The following EEF1AKMT2 variants were observed in gnomAD, a reference collection of about 807,000 sequenced individuals.
EEF1AKMT2 encodes eukaryotic translation elongation factor 1 alpha lysine methyltransferase 2.
Under a neutral mutation model 35.8 loss-of-function variants are expected in EEF1AKMT2, and 32 were observed. The observed-to-expected ratio is 0.89, with a 90% CI of 0.67 to 1.20. The LOEUF (loss-of-function observed/expected upper bound fraction) is 1.20. Ranked by LOEUF, EEF1AKMT2 falls within the 50% of genes most tolerant of loss-of-function variation. The probability of loss-of-function intolerance (pLI) is 0.00; values close to 1 mark genes in which losing one functional copy is unlikely to be tolerated. For synonymous variants in EEF1AKMT2, 121 were observed against 133.7 expected, an observed-to-expected ratio of 0.91 and a Z score of 0.65; for missense variants, 330 against 347.5, an observed-to-expected ratio of 0.95 and a Z score of 0.40.
At chr10:124,780,726 CAA>C (rs910831494) in intron 3 of EEF1AKMT2, among the ~76,000 whole-genome samples, 1 of 150,404 alleles carries the variant, frequency 6.6e-6, no homozygotes, top group African/African-American at 2.4e-5. Context: ...GCAAATCTGG[CAA>C]AAGACATAAG....
chr10:124,765,771 T>C, intron 4 of EEF1AKMT2, 163 bp from the exon 5 acceptor site: 1 of 582,532 alleles, frequency 1.7e-6, no homozygotes, highest in East Asian at 2.9e-5. Flanking sequence ...TTTTATGAGC[T>C]TCAGTCCAAG....
intron 4 of EEF1AKMT2, among the ~76,000 whole-genome samples, chr10:124,773,831 T>C (rs536261005): frequency 2.6e-5 from 4 of 152,152 alleles, no homozygotes; most frequent in South Asian, 4.2e-4. Flanking sequence ...AGTGAGAACA[T>C]GCTGTTGAAA....
intron 3 of EEF1AKMT2, among the ~76,000 whole-genome samples, chr10:124,776,521 C>T (rs991329472): frequency 6.6e-6 from 1 of 152,178 alleles, no homozygotes; most frequent in African/African-American, 2.4e-5. Flanking sequence ...GACACGGTGG[C>T]TCACGCCTAT....
chr10:124,791,857 GT>G lies in EEF1AKMT2; in HGVS notation c.-25del. ...ATTTCGCTCCACGTCCTGGACGGCC[GT>G]TGGGGCCGCCATAGAGACGGGGCAC... On this transcript the variant is annotated 5_prime_UTR_variant, in exon 1 of 7. Transcript: ENST00000368836. 3 of 1,544,776 alleles carry G rather than the reference GT, an allele frequency of 1.9e-6. No homozygotes were observed. The highest frequency in any genetic ancestry group is 2.6e-6 in the Non-Finnish European group (3 of 1,151,418).
At chr10:124,770,158 C>T (rs1476902424) in intron 4 of EEF1AKMT2, among the ~76,000 whole-genome samples, 1 of 151,976 alleles carries the variant, frequency 6.6e-6, no homozygotes, top group African/African-American at 2.4e-5. Flanking sequence ...GTAGCTCACA[C>T]CTGTTATCCC....
chr10:124,777,598 C>T (rs1038869620), intron 3 of EEF1AKMT2, among the ~76,000 whole-genome samples: 1 of 151,886 alleles, frequency 6.6e-6, no homozygotes, highest in Admixed American at 6.6e-5. Context: ...TGGCTTACTG[C>T]AGCCTTGCCT....
intron 6 of EEF1AKMT2, 128 bp downstream of exon 6, chr10:124,762,172 C>A (rs1326606973): frequency 1.5e-6 from 1 of 688,538 alleles, no homozygotes; most frequent in East Asian, 9.3e-5. Context: ...TGCGCCACCC[C>A]ACGCCATCAA....
intron 3 of EEF1AKMT2, among the ~76,000 whole-genome samples, chr10:124,777,019 C>T (rs904873053): frequency 6.6e-6 from 1 of 151,876 alleles, no homozygotes; most frequent in African/African-American, 2.4e-5. Context: ...GTGGCTCAAG[C>T]TTGTAATCCT....
At position 124,791,800 on chromosome 10, in the gene EEF1AKMT2, C is replaced by A; in HGVS notation, c.34G>T (p.Ala12Ser). 1.3e-6 allele frequency: 2 copies of A among 1,589,676 alleles called. No individual in the cohort carries two copies. Among genetic ancestry groups the A allele is most frequent in the Non-Finnish European group, 1.7e-6 (2 of 1,173,282 alleles). Reference protein sequence around the residue: ...SSGADGGGGAAVAARSDKGSP... With the variant: ...SSGADGGGGASVAARSDKGSP... ...CCCTTGTCCGACCGCGCCGCCACCG[C>A]AGCGCCACCGCCGCCGTCAGCGCCC... The change falls in exon 1 of 7, where the codon GCG becomes TCG. Residue 12 changes from alanine to serine, a missense_variant. Coordinates refer to ENST00000368836, the MANE Select transcript of EEF1AKMT2 (RefSeq NM_212554.4).
chr10:124,790,268 C>T lies in EEF1AKMT2; in HGVS notation c.176+5G>A. On this transcript the variant is annotated splice_donor_5th_base_variant and intron_variant, in intron 2 of 6. Transcript: ENST00000368836. ...GATTATAACTTGATTCTTTTCCTAA[C>T]TCACCAGATTTCACCTGTATCTCCA... 6.3e-7 allele frequency: 1 copy of T among 1,599,060 alleles called. No individual in the cohort carries two copies. Among genetic ancestry groups the T allele is most frequent in the Non-Finnish European group, 8.6e-7 (1 of 1,166,328 alleles).
At position 124,760,454 on chromosome 10, in the gene EEF1AKMT2, G is replaced by A. The variant is rs187331217; in HGVS notation, c.*49C>T. 1.9e-6 allele frequency: 3 copies of A among 1,613,838 alleles called. No homozygotes were observed. The East Asian group carries it at 6.7e-5, about 36-fold the overall frequency. On this transcript the variant is annotated 3_prime_UTR_variant, in exon 7 of 7. Coordinates refer to ENST00000368836, the MANE Select transcript of EEF1AKMT2 (RefSeq NM_212554.4). The stretch of plus-strand genomic sequence containing the variant: ...ATGCTGCTACACTGTTTCCAGATCT[G>A]CCTCCAAAGCTGAACTTGGGTGTTG...
At chr10:124,769,248 A>AAATATATATGTG (rs1554917190) in intron 4 of EEF1AKMT2, among the ~76,000 whole-genome samples, 1 of 63,820 alleles carries the variant, frequency 1.6e-5, no homozygotes, top group Non-Finnish European at 2.9e-5. Context: ...ATATATATAT[A>AAATATATATGTG]TGTGTGTATA....
At chr10:124,782,499 G>A (rs1210945898) in intron 3 of EEF1AKMT2, among the ~76,000 whole-genome samples, 5 of 150,356 alleles carry the variant, frequency 3.3e-5, no homozygotes, top group Admixed American at 6.6e-5. Flanking sequence ...GGAGAATGGC[G>A]TGAACCTGGG....
rs1442265916 is a variant in EEF1AKMT2, at chr10:124,757,932, A to G, written c.*2571T>C. 6.6e-6 allele frequency: 1 copy of G among 152,206 alleles called. No homozygotes were observed. Among genetic ancestry groups the G allele is most frequent in the Non-Finnish European group, 1.5e-5 (1 of 68,036 alleles). The allele number at this position is 152,206 out of a possible 1,614,324, so 9.4% of individuals were successfully genotyped here. A position where few individuals can be genotyped will look rare whatever the true frequency, so the allele number is the denominator to read the frequency against. On this transcript the variant is annotated 3_prime_UTR_variant, in exon 7 of 7. Transcript: ENST00000368836. ...CCCAAAAAGCAACTCTAACTTGTGC[A>G]CCTGGCTTAAAACAAAATGTACTGA...
chr10:124,769,046 T>C (rs1589782034), intron 4 of EEF1AKMT2, among the ~76,000 whole-genome samples: 1 of 148,722 alleles, frequency 6.7e-6, no homozygotes, highest in East Asian at 2.0e-4. Flanking sequence ...CTGGGCAACA[T>C]GACAAAACCC....
At chr10:124,791,664 C>T (rs2277264) in intron 1 of EEF1AKMT2, 60 bp downstream of exon 1, 179,967 of 1,538,732 alleles carry the variant, frequency 0.12, 11,221 homozygotes, top group African/African-American at 0.2. Context: ...CCGCCGTCCC[C>T]TTCTCGGGGC....
intron 4 of EEF1AKMT2, among the ~76,000 whole-genome samples, chr10:124,774,297 G>A (rs546375909): frequency 1.4e-5 from 2 of 146,900 alleles, no homozygotes; most frequent in South Asian, 2.1e-4. Context: ...AACCCAGGAG[G>A]CGGAGCTTGC....
At chr10:124,763,756 A>G (rs1255575039) in intron 5 of EEF1AKMT2, among the ~76,000 whole-genome samples, 1 of 152,142 alleles carries the variant, frequency 6.6e-6, no homozygotes, top group Non-Finnish European at 1.5e-5. Context: ...GTAAAAAAGA[A>G]CACCTGTATT....
At chr10:124,789,614 G>T in intron 2 of EEF1AKMT2, among the ~76,000 whole-genome samples, 1 of 151,888 alleles carries the variant, frequency 6.6e-6, no homozygotes, top group Non-Finnish European at 1.5e-5. Context: ...AATTTGCTGG[G>T]CATGATGGCA....
Sources: gnomAD v4.1 joint callset for allele counts (sites outside exome capture counted in the v4.1 genomes callset) on GRCh38, gnomAD v4.1.1 for gene constraint, MANE v1.5 for transcripts, NCBI Gene and HGNC (gene_info 2026-07-23, HGNC 2026-07-21) for gene names.